The following ZNF3 variants were observed in gnomAD, a reference collection of about 807,000 sequenced individuals.
ZNF3 encodes the protein C2-H2 type zinc finger protein.
Under a neutral mutation model 36.9 loss-of-function variants are expected in ZNF3, and 16 were observed. The observed-to-expected ratio is 0.43, with a 90% CI of 0.29 to 0.66. ZNF3 has a LOEUF of 0.66. Ranked by LOEUF, ZNF3 falls within the 30% of genes least tolerant of loss-of-function variation. The pLI is 0.13. For missense variants in ZNF3, 462 were observed against 543.1 expected, an observed-to-expected ratio of 0.85 and a Z score of 1.48; for synonymous variants, 201 against 201.9, an observed-to-expected ratio of 1.00 and a Z score of 0.04.
Position 100,070,212 on chromosome 7 carries a change from C to A in ZNF3, c.*931G>T. On this transcript the variant is annotated 3_prime_UTR_variant, in exon 6 of 6. Coordinates refer to ENST00000299667, the MANE Select transcript of ZNF3 (RefSeq NM_032924.5). ...GGCTTTGCTCTTTCTCTGCATTAAT[C>A]TTCAGCTGCTGAAGAGTCAGAGGTG... 1.0e-6 allele frequency: 1 copy of A among 984,164 alleles called. No homozygotes were observed. Among genetic ancestry groups the A allele is most frequent in the Non-Finnish European group, 1.2e-6 (1 of 829,714 alleles). 61.0% of individuals were successfully genotyped at this position (984,164 alleles called of 1,614,324 possible).
In ZNF3 at chr7:100,081,704, C is replaced by G. The variant is rs60032560; in HGVS notation, c.-267G>C. 6.6e-6 allele frequency: 1 copy of G among 152,516 alleles called. No homozygotes were observed. Among genetic ancestry groups the G allele is most frequent in the African/African-American group, 2.4e-5 (1 of 41,586 alleles). The allele number at this position is 152,516 out of a possible 1,614,324, so 9.4% of individuals were successfully genotyped here. ...GGCCCTGTTGGACCCTGTCACAGACCCACACACCGGGGACAGAACAAAGAA... is the reference window on the plus strand; with the variant it reads ...GGCCCTGTTGGACCCTGTCACAGACGCACACACCGGGGACAGAACAAAGAA... On this transcript the variant is annotated 5_prime_UTR_variant, in exon 1 of 6. Transcript: ENST00000299667. This position sits in a 1 kb window ranked among gnomAD's most constrained non-coding sequence, Gnocchi z 4.3.
At chr7:100,068,162 C>G (rs1295212708), downstream of ZNF3, among the ~76,000 whole-genome samples, 2 of 152,128 alleles carry the variant, frequency 1.3e-5, no homozygotes, top group African/African-American at 4.8e-5. Context: ...TCTCAGCTCA[C>G]TGCAACCTCT....
downstream of ZNF3, among the ~76,000 whole-genome samples, chr7:100,069,801 C>T (rs1182522771): frequency 3.3e-5 from 5 of 151,994 alleles, no homozygotes; most frequent in Middle Eastern, 6.3e-3. Flanking sequence ...TTAGTAGAGA[C>T]GGGGTTTCTC....
intron 5 of ZNF3, chr7:100,064,960 C>T (rs1792572430): frequency 1.2e-6 from 2 of 1,603,506 alleles, no homozygotes; most frequent in Non-Finnish European, 8.5e-7. Flanking sequence ...AACATATATT[C>T]AAGAATTTTA....
At chr7:100,068,223 A>AT (rs1037705201), downstream of ZNF3, among the ~76,000 whole-genome samples, 1 of 152,064 alleles carries the variant, frequency 6.6e-6, no homozygotes, top group Non-Finnish European at 1.5e-5. Flanking sequence ...AGTAGCTGGG[A>AT]TTACAGGCAT....
intron 2 of ZNF3, 50 bp from the exon 3 acceptor site, chr7:100,077,483 G>A (rs1199285690): frequency 6.5e-7 from 1 of 1,533,314 alleles, no homozygotes; most frequent in Non-Finnish European, 8.8e-7. Context: ...AAAACCTCCT[G>A]AATACAGAAA....
downstream of ZNF3, among the ~76,000 whole-genome samples, chr7:100,069,076 C>T (rs1047332025): frequency 6.6e-6 from 1 of 152,042 alleles, no homozygotes; most frequent in Non-Finnish European, 1.5e-5. Context: ...GATCCGCCCA[C>T]CTCGGCCTCC....
chr7:100,076,356 G>C (rs936644101), intron 3 of ZNF3, among the ~76,000 whole-genome samples: 1 of 151,216 alleles, frequency 6.6e-6, no homozygotes, highest in African/African-American at 2.4e-5. Context: ...GCAGTGGCGT[G>C]ATCTCGGCTC....
rs1320401147 is a variant in ZNF3, at chr7:100,070,779, T to C, written c.*364A>G. 1 of 1,038,010 alleles carries C rather than the reference T, an allele frequency of 9.6e-7. No homozygotes were observed. The highest frequency in any genetic ancestry group is 1.2e-6 in the Non-Finnish European group (1 of 861,724). 64.3% of individuals were successfully genotyped at this position (1,038,010 alleles called of 1,614,324 possible). The stretch of plus-strand genomic sequence containing the variant: ...ACCCAGAGCGTCCTTTCCACTGCTG[T>C]CTGTGCTGACTACGCGGACTCCAAC... On this transcript the variant is annotated 3_prime_UTR_variant, in exon 6 of 6. Coordinates refer to ENST00000299667, the MANE Select transcript of ZNF3 (RefSeq NM_032924.5).
rs745837552 is a variant in ZNF3, at chr7:100,071,217, G to C, written c.1267C>G (p.Pro423Ala). 6.2e-7 allele frequency: 1 copy of C among 1,614,138 alleles called. No individual in the cohort carries two copies. Among genetic ancestry groups the C allele is most frequent in the South Asian group, 1.1e-5 (1 of 91,084 alleles). ...RHQRIHTGEK[P>A]LNGIGMSKSS... ...TTGCTCATGCCGATCCCATTCAAAG[G>C]CTTCTCTCCAGTGTGAATTCTCTGA... The change falls in exon 6 of 6, where the codon CCT becomes GCT. Residue 423 changes from proline (P) to alanine (A), a missense_variant. By Grantham distance (27) the Pro-to-Ala change is conservative. Transcript: ENST00000299667.
At chr7:100,072,747 T>C (rs1344398061) in intron 5 of ZNF3, among the ~76,000 whole-genome samples, 2 of 152,254 alleles carry the variant, frequency 1.3e-5, no homozygotes, top group East Asian at 3.9e-4. Context: ...GCCAAGCCCA[T>C]GGAAACGGCA....
In ZNF3 at chr7:100,064,889, TA is replaced by T; in HGVS notation, c.294del (p.Thr99ArgfsTer4). On this transcript the variant is annotated frameshift_variant, in exon 6 of 6. Coordinates refer to the ZNF3 transcript ENST00000413658. LOFTEE classifies it low-confidence loss of function (END_TRUNC). ...AGCCATGCCAGCATTACCTTTTGCG[TA>T]GTTAAACAGACGTGTATCCAGTCTA... 1 of 845,900 alleles carries T rather than the reference TA, an allele frequency of 1.2e-6. No homozygotes were observed. Among genetic ancestry groups the T allele is most frequent in the Non-Finnish European group, 1.6e-6 (1 of 608,006 alleles). The allele number at this position is 845,900 out of a possible 1,614,324, so 52.4% of individuals were successfully genotyped here.
At chr7:100,074,382 A>G (rs945818736) in intron 5 of ZNF3, among the ~76,000 whole-genome samples, 2 of 152,006 alleles carry the variant, frequency 1.3e-5, no homozygotes, top group African/African-American at 2.4e-5. Flanking sequence ...GTGATCCTCC[A>G]ACCTCAGCCT....
exon 6 of ZNF3, chr7:100,064,459 G>A: frequency 6.2e-7 from 1 of 1,614,034 alleles, no homozygotes; most frequent in Non-Finnish European, 8.5e-7. Context: ...TAAGGAGTGT[G>A]GGAAAGCCTT....
Position 100,070,483 on chromosome 7 carries a change from T to G in ZNF3, c.*660A>C. ...TTTGCCCATTCAGCCCCAGGACAAC[T>G]GGGGGGGATGGCAGGGGGTCTGCTG... On this transcript the variant is annotated 3_prime_UTR_variant, in exon 6 of 6. Coordinates refer to ENST00000299667, the MANE Select transcript of ZNF3 (RefSeq NM_032924.5). The G allele has an allele frequency of 1.0e-6, 1 of 985,542 alleles. No individual in the cohort carries two copies. The highest frequency in any genetic ancestry group is 1.7e-5 in the African/African-American group (1 of 57,310). The allele number at this position is 985,542 out of a possible 1,614,324, so 61.0% of individuals were successfully genotyped here.
In ZNF3 at chr7:100,070,923, CAGAGCTG is replaced by C; in HGVS notation, c.*213_*219del. The C allele has an allele frequency of 1.5e-6, 2 of 1,347,570 alleles. No homozygotes were observed. Among genetic ancestry groups the C allele is most frequent in the Non-Finnish European group, 1.9e-6 (2 of 1,054,314 alleles). The allele number at this position is 1,347,570 out of a possible 1,614,324, so 83.5% of individuals were successfully genotyped here. On this transcript the variant is annotated 3_prime_UTR_variant, in exon 6 of 6. Transcript: ENST00000299667. ...CTTTCCTAAATGGGGTAACTGGTCCCAGAGCTGCTTTCTATTCCCAGCACGCCATCCA... is the reference window on the plus strand; with the variant it reads ...CTTTCCTAAATGGGGTAACTGGTCCCCTTTCTATTCCCAGCACGCCATCCA...
In ZNF3 at chr7:100,071,479, A is replaced by C. The variant is rs754002963; in HGVS notation, c.1005T>G (p.Thr335=). 9.3e-6 allele frequency: 15 copies of C among 1,613,838 alleles called. No individual in the cohort carries two copies. Among genetic ancestry groups the C allele is most frequent in the Non-Finnish European group, 1.3e-5 (15 of 1,179,944 alleles). ...CATTACATTCATAGGGTTTTTCTCC[A>C]GTGTGGATTCTCTGATGGTGAATAA... ...STLIHHQRIH[T]GEKPYECNEC... is the part of the protein sequence containing the mutation. The change falls in exon 6 of 6, where the codon ACT becomes ACG. Residue 335 remains threonine, a synonymous_variant. Transcript: ENST00000299667.
chr7:100,076,324 A>T (rs925375224), intron 3 of ZNF3, among the ~76,000 whole-genome samples: 1 of 146,598 alleles, frequency 6.8e-6, no homozygotes, highest in African/African-American at 2.5e-5. Context: ...GTGGCGTCTC[A>T]CTCTGTCACC....
In ZNF3 at chr7:100,071,376, A is replaced by G; in HGVS notation, c.1108T>C (p.Cys370Arg). 1 of 1,613,966 alleles carries G rather than the reference A, an allele frequency of 6.2e-7. No individual in the cohort carries two copies. Among genetic ancestry groups the G allele is most frequent in the Non-Finnish European group, 8.5e-7 (1 of 1,180,014 alleles). The change falls in exon 6 of 6, where the codon TGT becomes CGT. Residue 370 changes from cysteine (C) to arginine (R), a missense_variant. Physicochemically the swap from Cys to Arg is radical, Grantham distance 180 (BLOSUM62 -3). Transcript: ENST00000299667. ...RIHTGEKPYE[C>R]MECGGKFTYS... is the part of the protein sequence containing the mutation. ...GTAAACTTTCCTCCACATTCCATAC[A>G]TTCGTAGGGCTTCTCTCCAGTGTGG...
Sources: allele counts gnomAD v4.1 joint callset (sites outside exome capture counted in the v4.1 genomes callset), GRCh38; gene constraint gnomAD v4.1.1; non-coding constraint Gnocchi (gnomAD v3.1); transcripts MANE v1.5; gene names NCBI Gene and HGNC (gene_info 2026-07-23, HGNC 2026-07-21).